PCYT2: variants seen among roughly 807,000 people sequenced by gnomAD.
The protein encoded by PCYT2 is ethanolamine-phosphate cytidylyltransferase.
PCYT2 carries 33 observed loss-of-function variants against 50.0 expected under a neutral mutation model. The observed-to-expected ratio is 0.66, with a 90% confidence interval of 0.50 to 0.88. The LOEUF (loss-of-function observed/expected upper bound fraction) is 0.88, where lower values mean the gene tolerates loss of function less well. Among genes scored for constraint, PCYT2 ranks in the 40% least tolerant of loss-of-function variants. PCYT2 has a pLI of 0.00. For missense variants in PCYT2, 430 were observed against 519.7 expected (o/e 0.83, Z 1.68); for synonymous variants, 240 against 203.7 (o/e 1.18, Z -1.52).
chr17:81,907,084 C>T, intron 6 of PCYT2, 186 bp from the exon 7 acceptor site: 1 of 1,064,556 alleles, frequency 9.4e-7, no homozygotes, highest in Non-Finnish European at 1.3e-6. Context: ...CCACAGCAGG[C>T]ACCGCAGCAG....
chr17:81,909,594 A>G lies in PCYT2; in HGVS notation c.98T>C (p.Met33Thr). 6.2e-7 allele frequency: 1 copy of G among 1,613,292 alleles called. No homozygotes were observed. The highest frequency in any genetic ancestry group is 8.5e-7 in the Non-Finnish European group (1 of 1,179,408). ...CTGGTTGGAGTGGCCGTAATGCACC[A>G]TGTCATAGCTGTGGAGACAGAGAGA... is the stretch of plus-strand genomic sequence containing the variant. ...VRVWCDGCYD[M>T]VHYGHSNQLR... Residue 33 changes from methionine (M) to threonine (T), a missense_variant, in exon 2 of 13, where the codon ATG (methionine) becomes ACG (threonine). Around this residue, in one of 4 missense-constraint regions of PCYT2, gnomAD observed 117 missense variants for 163.9 expected, o/e 0.71. Coordinates refer to ENST00000538936, the MANE Select transcript of PCYT2 (RefSeq NM_002861.5).
Position 81,908,857 on chromosome 17 carries a change from TC to T in PCYT2, c.340+18del. The T allele has an allele frequency of 6.2e-7, 1 of 1,606,576 alleles. No individual in the cohort carries two copies. Among genetic ancestry groups the T allele is most frequent in the Non-Finnish European group, 8.5e-7 (1 of 1,175,696 alleles). ...CACCTGATGTCCCCAGGCCCCCAGG[TC>T]CCAGCCCCGCCACTCACTGCCGTGA... On this transcript the variant is annotated intron_variant, in intron 3 of 12. Transcript: ENST00000538936.
chr17:81,910,849 C>A, intron 1 of PCYT2: 1 of 982,814 alleles, frequency 1.0e-6, no homozygotes, highest in Non-Finnish European at 1.2e-6. Flanking sequence ...GACCCGGGAG[C>A]CCGCGGGCTT....
In PCYT2 at chr17:81,902,715, G is replaced by A; in HGVS notation, c.*2118C>T. The A allele has an allele frequency of 6.2e-7, 1 of 1,608,560 alleles. No homozygotes were observed. ...ACCAGTGCAAGGCGAACGTCTTCCT[G>A]TCCCTGCGCGCAGCCGACTGCCTCG... On this transcript the variant is annotated 3_prime_UTR_variant, in exon 13 of 13. Coordinates refer to ENST00000538936, the MANE Select transcript of PCYT2 (RefSeq NM_002861.5).
rs765676976 is a variant in PCYT2 at position 81,902,707 on chromosome 17, G to C, written c.*2126C>G. 4.4e-6 allele frequency: 7 copies of C among 1,608,886 alleles called. No individual in the cohort carries two copies. The East Asian group carries it at 1.6e-4, about 36-fold the overall frequency. On this transcript the variant is annotated 3_prime_UTR_variant, in exon 13 of 13. Transcript: ENST00000538936. ...CGGGACCTACCAGTGCAAGGCGAAC[G>C]TCTTCCTGTCCCTGCGCGCAGCCGA...
intron 1 of PCYT2, among the ~76,000 whole-genome samples, chr17:81,910,119 G>A (rs1019229344): frequency 7.2e-5 from 11 of 152,162 alleles, no homozygotes; most frequent in African/African-American, 2.2e-4. Context: ...CCTCCCTTAC[G>A]GCCTCAAGCT....
intron 6 of PCYT2, chr17:81,907,280 G>A: frequency 6.6e-7 from 1 of 1,525,102 alleles, no homozygotes; most frequent in Middle Eastern, 1.7e-4. Context: ...AGAGGGCCAG[G>A]CCACTTGGTT....
Position 81,906,565 on chromosome 17 carries a change from G to A in PCYT2, c.677-19C>T, listed in dbSNP as rs1253699958. Reference sequence around the variant, plus strand: ...CCGATGTCTGCACCCAGGTTAAGAAGCAGTCGGGATGGGGATGACAGGGAG... The same window carrying A: ...CCGATGTCTGCACCCAGGTTAAGAAACAGTCGGGATGGGGATGACAGGGAG... On this transcript the variant is annotated intron_variant, in intron 7 of 12. Coordinates refer to ENST00000538936, the MANE Select transcript of PCYT2 (RefSeq NM_002861.5). 1.2e-6 allele frequency: 2 copies of A among 1,611,786 alleles called. No individual in the cohort carries two copies. Among genetic ancestry groups the A allele is most frequent in the African/African-American group, 1.3e-5 (1 of 75,022 alleles).
rs2039981643 is a variant in PCYT2 at position 81,902,281 on chromosome 17, G to A, written c.*2552C>T. On this transcript the variant is annotated 3_prime_UTR_variant, in exon 13 of 13. Coordinates refer to ENST00000538936, the MANE Select transcript of PCYT2 (RefSeq NM_002861.5). ...CCACCAGTCAGCCGGCGTCCCCATGGCCCGGTCCGCGACACTGGCGGCCGC... is the reference window on the plus strand; with the variant it reads ...CCACCAGTCAGCCGGCGTCCCCATGACCCGGTCCGCGACACTGGCGGCCGC... The A allele has an allele frequency of 7.6e-7, 1 of 1,307,408 alleles. No homozygotes were observed. The highest frequency in any genetic ancestry group is 2.3e-5 in the South Asian group (1 of 43,102). The allele number at this position is 1,307,408 out of a possible 1,614,324, so 81.0% of individuals were successfully genotyped here. A position where few individuals can be genotyped will look rare whatever the true frequency, so the allele number is the denominator to read the frequency against.
rs1453355635 is a variant in PCYT2 at position 81,902,769 on chromosome 17, C to T, written c.*2064G>A. Reference sequence around the variant, plus strand: ...CCTGAGCCCGGACCTCTCCTGGCACCGCTGGGGGCCCCCCGCCCCCACCGT... The same window carrying T: ...CCTGAGCCCGGACCTCTCCTGGCACTGCTGGGGGCCCCCCGCCCCCACCGT... On this transcript the variant is annotated 3_prime_UTR_variant, in exon 13 of 13. Transcript: ENST00000538936. 2.5e-6 allele frequency: 4 copies of T among 1,587,208 alleles called. No individual in the cohort carries two copies. The highest frequency in any genetic ancestry group is 1.4e-5 in the African/African-American group (1 of 73,316).
At chr17:81,906,422 C>T in intron 8 of PCYT2, 42 bp downstream of exon 8, 1 of 1,576,616 alleles carries the variant, frequency 6.3e-7, no homozygotes, top group Non-Finnish European at 8.7e-7. Context: ...CCTCGAGGGC[C>T]CATCAGCTGC....
At chr17:81,906,340 C>G (rs1222968086) in intron 8 of PCYT2, 124 bp downstream of exon 8, 1 of 1,150,670 alleles carries the variant, frequency 8.7e-7, no homozygotes, top group Non-Finnish European at 1.3e-6. Context: ...GATCACCCCC[C>G]AGGGTCTCCT....
At chr17:81,907,025 A>G in intron 6 of PCYT2, 127 bp from the exon 7 acceptor site, 2 of 1,194,108 alleles carry the variant, frequency 1.7e-6, no homozygotes, top group South Asian at 1.5e-5. Context: ...CGGGCAGGGG[A>G]CACACTGCCA....
Position 81,902,442 on chromosome 17 carries a change from C to G in PCYT2, c.*2391G>C. 6.6e-6 allele frequency: 9 copies of G among 1,360,870 alleles called. No homozygotes were observed. Among genetic ancestry groups the G allele is most frequent in the Non-Finnish European group, 8.5e-6 (9 of 1,064,950 alleles). 84.3% of individuals were successfully genotyped at this position (1,360,870 alleles called of 1,614,324 possible). On this transcript the variant is annotated 3_prime_UTR_variant, in exon 13 of 13. Transcript: ENST00000538936. ...TCCGCAGGTCCCCGTACGCGCGGCGCTCCCAGCCCTACAGAGGGGCGGAAC... is the reference window on the plus strand; with the variant it reads ...TCCGCAGGTCCCCGTACGCGCGGCGGTCCCAGCCCTACAGAGGGGCGGAAC...
Position 81,902,693 on chromosome 17 carries a change from A to G in PCYT2, c.*2140T>C. 1 of 1,608,842 alleles carries G rather than the reference A, an allele frequency of 6.2e-7. No homozygotes were observed. The highest frequency in any genetic ancestry group is 1.3e-5 in the African/African-American group (1 of 74,644). ...CTCCCCGACGGCCGCGGGACCTACC[A>G]GTGCAAGGCGAACGTCTTCCTGTCC... On this transcript the variant is annotated 3_prime_UTR_variant, in exon 13 of 13. Transcript: ENST00000538936.
At position 81,903,916 on chromosome 17, in the gene PCYT2, G is replaced by A. The variant is rs771419134; in HGVS notation, c.*917C>T. On this transcript the variant is annotated 3_prime_UTR_variant, in exon 13 of 13. Coordinates refer to ENST00000538936, the MANE Select transcript of PCYT2 (RefSeq NM_002861.5). ...TCTATGGCCTCCCTAGACACCTCCC[G>A]GAGGCTGCAGTAAGAACCTCTTCGG... is the stretch of plus-strand genomic sequence containing the variant. 5.9e-5 allele frequency: 9 copies of A among 152,266 alleles called. No homozygotes were observed. Among genetic ancestry groups the A allele is most frequent in the African/African-American group, 1.4e-4 (6 of 41,456 alleles). 9.4% of individuals were successfully genotyped at this position (152,266 alleles called of 1,614,324 possible).
Position 81,904,484 on chromosome 17 carries a change from C to T in PCYT2, c.*349G>A, listed in dbSNP as rs894523247. The T allele has an allele frequency of 3.5e-5, 10 of 283,502 alleles. No individual in the cohort carries two copies. The Admixed American group carries it at 3.8e-4, about 11-fold the overall frequency. 17.6% of individuals were successfully genotyped at this position (283,502 alleles called of 1,614,324 possible). A position where few individuals can be genotyped will look rare whatever the true frequency, so the allele number is the denominator to read the frequency against. ...CTAAAGCCCTCTGCTCTGCACCTCC[C>T]GCCACAGCTGGGTGGGCAGTCAGTG... is the stretch of plus-strand genomic sequence containing the variant. On this transcript the variant is annotated 3_prime_UTR_variant, in exon 13 of 13. Transcript: ENST00000538936.
At position 81,902,375 on chromosome 17, in the gene PCYT2, G is replaced by C; in HGVS notation, c.*2458C>G. 2 of 1,342,924 alleles carry C rather than the reference G, an allele frequency of 1.5e-6. No homozygotes were observed. The highest frequency in any genetic ancestry group is 1.9e-6 in the Non-Finnish European group (2 of 1,054,412). The allele number at this position is 1,342,924 out of a possible 1,614,324, so 83.2% of individuals were successfully genotyped here. On this transcript the variant is annotated 3_prime_UTR_variant, in exon 13 of 13. Transcript: ENST00000538936. ...TGGTACAAGCCAGCGGCGGGGCACA[G>C]CTCCTACTCGGTGGGCCGCGCCGCG... is the stretch of plus-strand genomic sequence containing the variant.
rs938174350 is a variant in PCYT2, at chr17:81,911,029, G to A, written c.89+238C>T. The A allele has an allele frequency of 1.8e-5, 18 of 998,204 alleles. No homozygotes were observed. The African/African-American group carries it at 2.1e-4, about 12-fold the overall frequency. 61.8% of individuals were successfully genotyped at this position (998,204 alleles called of 1,614,324 possible). ...TCAGCGCGGTGGCTGCACCGGAGAGGTCGGCGTGACCGGGCGGGGCCTCCG... is the reference window on the plus strand; with the variant it reads ...TCAGCGCGGTGGCTGCACCGGAGAGATCGGCGTGACCGGGCGGGGCCTCCG... On this transcript the variant is annotated intron_variant, in intron 1 of 12. Transcript: ENST00000538936.
Sources: gnomAD v4.1 joint callset for allele counts (sites outside exome capture counted in the v4.1 genomes callset) on GRCh38, gnomAD v4.1.1 for gene constraint, gnomAD v4.1.1 regional missense constraint, MANE v1.5 for transcripts, NCBI Gene and HGNC (gene_info 2026-07-23, HGNC 2026-07-21) for gene names.